Variants in ALPK2 observed in about 807,000 individuals in gnomAD.
ALPK2 encodes alpha-protein kinase 2.
Under a neutral mutation model 163.1 loss-of-function variants are expected in ALPK2, and 127 were observed. The ratio of observed to expected loss-of-function variants is 0.78; its 90% CI spans 0.67 to 0.90. The LOEUF (loss-of-function observed/expected upper bound fraction) is 0.90, where lower values mean the gene tolerates loss of function less well. Ranked by LOEUF, ALPK2 falls within the 40% of genes least tolerant of loss-of-function variation. The pLI, the probability that ALPK2 is intolerant of heterozygous loss-of-function variation, is 0.00. For synonymous variants in ALPK2, 953 were observed against 959.1 expected, an observed-to-expected ratio of 0.99 and a Z score of 0.12; for missense variants, 2,360 against 2,589.6, an observed-to-expected ratio of 0.91 and a Z score of 1.92.
At chr18:58,483,242 T>A (rs2051320726) in intron 12 of ALPK2, among the ~76,000 whole-genome samples, 1 of 152,200 alleles carries the variant, frequency 6.6e-6, no homozygotes, top group Admixed American at 6.5e-5. Flanking sequence ...AGGTCCACGT[T>A]ACATTCACTC....
At chr18:58,628,663 C>G (rs921208750) in intron 1 of ALPK2, 101 bp downstream of exon 1, 1 of 152,188 alleles carries the variant, frequency 6.6e-6, no homozygotes, top group Non-Finnish European at 1.5e-5. Flanking sequence ...TCTATTTCAT[C>G]AGGAAACCAT....
intron 5 of ALPK2, among the ~76,000 whole-genome samples, chr18:58,529,941 C>A (rs1014498168): frequency 2.6e-5 from 4 of 152,182 alleles, no homozygotes; most frequent in Non-Finnish European, 5.9e-5. Context: ...TGGGCGGCAG[C>A]CTAGACATTA....
intron 8 of ALPK2, among the ~76,000 whole-genome samples, chr18:58,523,360 T>C (rs1171127768): frequency 2.0e-5 from 3 of 152,258 alleles, no homozygotes; most frequent in Middle Eastern, 3.4e-3. Flanking sequence ...TTGTGAATAG[T>C]GCCTCAATAA....
intron 2 of ALPK2, among the ~76,000 whole-genome samples, chr18:58,608,969 A>AT (rs1160064756): frequency 6.7e-6 from 1 of 150,340 alleles, no homozygotes; most frequent in Non-Finnish European, 1.5e-5. Context: ...AAAAAAAAAA[A>AT]AGAAAAGAAA....
At chr18:58,625,360 C>A (rs1249390528) in intron 1 of ALPK2, among the ~76,000 whole-genome samples, 2 of 152,210 alleles carry the variant, frequency 1.3e-5, no homozygotes. Context: ...CTGGCACCCC[C>A]TGAGAAGTAA....
chr18:58,493,433 G>A (rs4545902), intron 12 of ALPK2, among the ~76,000 whole-genome samples: 1 of 151,642 alleles, frequency 6.6e-6, no homozygotes, highest in Non-Finnish European at 1.5e-5. Flanking sequence ...TTGTTTTGGC[G>A]CTTCCTCTCC....
rs1355657424 is a variant in ALPK2, at chr18:58,593,826, C to T, written c.228-13278G>A. On this transcript the variant is annotated intron_variant, in intron 3 of 12. Transcript: ENST00000361673. Reference sequence around the variant, plus strand: ...CTGGGAGGCAGAGGTTGCAGTGAGCCGAGATCGCACCATTGCACTCCAGCC... The same window carrying T: ...CTGGGAGGCAGAGGTTGCAGTGAGCTGAGATCGCACCATTGCACTCCAGCC... 4.6e-5 allele frequency among the ~76,000 whole-genome samples: 7 copies of T among 151,152 alleles called. No individual in the cohort carries two copies. The East Asian group carries it at 1.2e-3, about 25-fold the overall frequency.
At chr18:58,527,661 ATTAGTACC>A (rs1301379930) in intron 6 of ALPK2, among the ~76,000 whole-genome samples, 1 of 152,236 alleles carries the variant, frequency 6.6e-6, no homozygotes, top group African/African-American at 2.4e-5. Context: ...AAAATGAATA[ATTAGTACC>A]TTTTTAAGTG....
intron 4 of ALPK2, among the ~76,000 whole-genome samples, chr18:58,560,729 C>T (rs138381114): frequency 1.5e-3 from 224 of 152,334 alleles, no homozygotes; most frequent in Middle Eastern, 0.01. Context: ...CATACTGTTA[C>T]GTGGGCATGG....
chr18:58,534,821 A>T lies in ALPK2; in HGVS notation c.5353+13T>A. The T allele has an allele frequency of 6.3e-7, 1 of 1,594,794 alleles. No individual in the cohort carries two copies. Among genetic ancestry groups the T allele is most frequent in the South Asian group, 1.2e-5 (1 of 86,934 alleles). On this transcript the variant is annotated intron_variant, in intron 5 of 12. Transcript: ENST00000361673. ...CCAAACTTTAACAATGATGGACAGC[A>T]ACAGAACCTCACCTCTTCCTTCTCT... is the stretch of plus-strand genomic sequence containing the variant.
chr18:58,503,861 C>A, intron 11 of ALPK2, 70 bp downstream of exon 11: 1 of 1,446,982 alleles, frequency 6.9e-7, no homozygotes, highest in African/African-American at 1.4e-5. Context: ...TCCCTCCCCT[C>A]CCTCTCCACC....
At chr18:58,523,885 A>G in intron 7 of ALPK2, 44 bp from the exon 8 acceptor site, 1 of 1,614,210 alleles carries the variant, frequency 6.2e-7, no homozygotes, top group South Asian at 1.1e-5. Flanking sequence ...ACAGATGTCC[A>G]TTGTGAACGG....
intron 1 of ALPK2, among the ~76,000 whole-genome samples, chr18:58,612,786 C>T (rs1006772374): frequency 1.3e-5 from 2 of 151,924 alleles, no homozygotes; most frequent in Non-Finnish European, 2.9e-5. Flanking sequence ...TTGGCCAGAC[C>T]TCTCCTTTGT....
intron 9 of ALPK2, 46 bp from the exon 10 acceptor site, chr18:58,515,127 T>G (rs1318386368): frequency 1.4e-6 from 2 of 1,430,686 alleles, no homozygotes; most frequent in African/African-American, 1.4e-5. Flanking sequence ...TACAGGAAAT[T>G]CAGACAGTAT....
At position 58,545,167 on chromosome 18, in the gene ALPK2, C is replaced by T. The variant is rs117042965; in HGVS notation, c.1963-6943G>A. 3.3e-5 allele frequency: 5 copies of T among 151,490 alleles called. No individual in the cohort carries two copies. The East Asian group carries it at 9.7e-4, about 29-fold the overall frequency. The allele number at this position is 151,490 out of a possible 1,614,324, so 9.4% of individuals were successfully genotyped here. A position where few individuals can be genotyped will look rare whatever the true frequency, so the allele number is the denominator to read the frequency against. On this transcript the variant is annotated intron_variant, in intron 4 of 12. Transcript: ENST00000361673. ...GAAGTTGGAGATTTGCAGTCATCGT[C>T]GAGCTACTGGAATGACACACAGACT...
intron 4 of ALPK2, among the ~76,000 whole-genome samples, chr18:58,542,251 A>AT (rs1481557605): frequency 6.6e-6 from 1 of 152,212 alleles, no homozygotes; most frequent in Non-Finnish European, 1.5e-5. Context: ...GACTAACCAC[A>AT]TGCATGTCTG....
chr18:58,528,564 C>G (rs1009047919), intron 6 of ALPK2, among the ~76,000 whole-genome samples: 4 of 151,986 alleles, frequency 2.6e-5, no homozygotes, highest in Non-Finnish European at 5.9e-5. Context: ...TCATAGGGAC[C>G]CAGAAATAAA....
At chr18:58,531,075 G>C (rs2051611427) in intron 5 of ALPK2, among the ~76,000 whole-genome samples, 1 of 152,046 alleles carries the variant, frequency 6.6e-6, no homozygotes. Flanking sequence ...CATGCCTGTG[G>C]ACCTAGCTAC....
Position 58,611,828 on chromosome 18 carries a change from A to AG in ALPK2, c.-20-12_-20-11insC. 6.9e-7 allele frequency: 1 copy of AG among 1,454,032 alleles called. No homozygotes were observed. The highest frequency in any genetic ancestry group is 2.3e-5 in the East Asian group (1 of 42,916). 90.1% of individuals were successfully genotyped at this position (1,454,032 alleles called of 1,614,324 possible). ...CATGCCGCACCAAATCTGAAAAAAA[A>AG]AAAAATCCCCGACATCACCATTTGT... On this transcript the variant is annotated splice_polypyrimidine_tract_variant and intron_variant, in intron 1 of 12. Transcript: ENST00000361673.
Sources: allele counts gnomAD v4.1 joint callset (sites outside exome capture counted in the v4.1 genomes callset), GRCh38; gene constraint gnomAD v4.1.1; transcripts MANE v1.5; gene names NCBI Gene and HGNC (gene_info 2026-07-23, HGNC 2026-07-21).